The following ABI3BP variants were observed in gnomAD, a reference collection of about 807,000 sequenced individuals.
The protein encoded by ABI3BP is ABI family member 3 binding protein.
Under a neutral mutation model 268.6 loss-of-function variants are expected in ABI3BP, and 216 were observed. The observed-to-expected ratio is 0.80, with a 90% confidence interval of 0.72 to 0.90. The LOEUF (loss-of-function observed/expected upper bound fraction) is 0.90. Ranked by LOEUF, ABI3BP falls within the 40% of genes least tolerant of loss-of-function variation. The probability of loss-of-function intolerance (pLI) is 0.00; values close to 1 mark genes in which losing one functional copy is unlikely to be tolerated. For synonymous variants in ABI3BP, 730 were observed against 730.0 expected, an observed-to-expected ratio of 1.00 and a Z score of 0.00; for missense variants, 2,090 against 2,182.4, an observed-to-expected ratio of 0.96 and a Z score of 0.84.
intron 20 of ABI3BP, chr3:100,843,807 G>T (rs1299497336): frequency 2.0e-6 from 2 of 984,922 alleles, no homozygotes; most frequent in African/African-American, 3.5e-5. Context: ...GAAACTTCAA[G>T]ATTGTAATTC....
chr3:100,841,095 G>T (rs758419798), intron 21 of ABI3BP, among the ~76,000 whole-genome samples: 10 of 150,572 alleles, frequency 6.6e-5, no homozygotes, highest in Non-Finnish European at 5.9e-5. Context: ...GGAACAAAAA[G>T]GCATGATTCT....
intron 14 of ABI3BP, among the ~76,000 whole-genome samples, chr3:100,859,189 G>C (rs2098969957): frequency 6.6e-6 from 1 of 152,048 alleles, no homozygotes; most frequent in South Asian, 2.1e-4. Flanking sequence ...AGTGTGTTCT[G>C]CTGGTCGTTG....
chr3:100,978,338 T>C (rs1326731761), intron 1 of ABI3BP, among the ~76,000 whole-genome samples: 2 of 152,246 alleles, frequency 1.3e-5, no homozygotes, highest in Admixed American at 1.3e-4. Flanking sequence ...AATTGTGTCT[T>C]TCTTCATTGA....
At chr3:100,820,166 T>C in intron 40 of ABI3BP, 54 bp downstream of exon 40, 6 of 1,435,112 alleles carry the variant, frequency 4.2e-6, no homozygotes, top group East Asian at 2.5e-5. Context: ...GCATCAGTTA[T>C]AAATTCCTGA....
chr3:100,789,368 T>A, intron 56 of ABI3BP, 86 bp downstream of exon 56: 1 of 1,277,360 alleles, frequency 7.8e-7, no homozygotes, highest in Non-Finnish European at 1.1e-6. Flanking sequence ...ATGTAAGGGT[T>A]CCCCTTTGGT....
In ABI3BP at chr3:100,979,236, T is replaced by C. The variant is rs182901650; in HGVS notation, c.79+14070A>G. 3.6e-4 allele frequency among the ~76,000 whole-genome samples: 55 copies of C among 152,308 alleles called. 1 individual carries two copies. Among genetic ancestry groups the C allele is most frequent in the African/African-American group, 1.2e-3 (51 of 41,562 alleles). On this transcript the variant is annotated intron_variant, in intron 1 of 67. Coordinates refer to ENST00000471714, the MANE Select transcript of ABI3BP (RefSeq NM_001375547.2). ...AGAGTGAGAGTCATTATCTCTAGGT[T>C]TGTTAAATAGCCATGTTTCAATAAA...
intron 1 of ABI3BP, among the ~76,000 whole-genome samples, chr3:100,969,190 C>T (rs772258976): frequency 3.9e-5 from 6 of 152,162 alleles, no homozygotes; most frequent in Non-Finnish European, 8.8e-5. Context: ...CTGCAGTAAG[C>T]CACAAGGCAA....
intron 1 of ABI3BP, among the ~76,000 whole-genome samples, chr3:100,966,873 G>C (rs2081497937): frequency 6.6e-6 from 1 of 151,754 alleles, no homozygotes; most frequent in Admixed American, 6.6e-5. Flanking sequence ...TGAGCATAGA[G>C]TCCTACACCA....
At chr3:100,843,421 T>A (rs200598262) in intron 20 of ABI3BP, among the ~76,000 whole-genome samples, 1 of 129,716 alleles carries the variant, frequency 7.7e-6, no homozygotes, top group Admixed American at 7.7e-5. Context: ...TGTGTGTGTG[T>A]GAGTGAGTCT....
chr3:100,840,671 G>T, intron 22 of ABI3BP, 149 bp downstream of exon 22: 1 of 603,204 alleles, frequency 1.7e-6, no homozygotes, highest in Non-Finnish European at 2.7e-6. Context: ...ATACCTATAG[G>T]AATTAACTTT....
rs1193116598 is a variant in ABI3BP at position 100,864,860 on chromosome 3, C to T, written c.1036G>A (p.Ala346Thr). The change falls in exon 11 of 68, where the codon GCA (alanine) becomes ACA (threonine). Residue 346 changes from alanine (A) to threonine (T), a missense_variant. Physicochemically the swap from Ala to Thr is moderately conservative, Grantham distance 58. Transcript: ENST00000471714. ...AGTGTTGTTTCTGAAACATCTAATG[C>T]ACTAGACGTAGTGGGTTTAGTGCTT... ...PRSTKPTTSS[A>T]LDVSETTLVL... 5 of 1,607,752 alleles carry T rather than the reference C, an allele frequency of 3.1e-6. No homozygotes were observed. The East Asian group carries it at 1.1e-4, about 36-fold the overall frequency.
At chr3:100,828,571 A>T (rs2098430611) in intron 33 of ABI3BP, 119 bp from the exon 34 acceptor site, 1 of 827,450 alleles carries the variant, frequency 1.2e-6, no homozygotes, top group Non-Finnish European at 1.9e-6. Flanking sequence ...CGAAGCAAAC[A>T]CAATTAGCCT....
At chr3:100,790,803 C>T (rs745996328) in intron 55 of ABI3BP, among the ~76,000 whole-genome samples, 43 of 151,824 alleles carry the variant, frequency 2.8e-4, no homozygotes, top group Non-Finnish European at 5.3e-4. Context: ...TAGGTTGCTT[C>T]TGCTTAAAAA....
intron 63 of ABI3BP, among the ~76,000 whole-genome samples, chr3:100,756,335 A>G (rs1226144485): frequency 6.6e-6 from 1 of 152,038 alleles, no homozygotes; most frequent in Non-Finnish European, 1.5e-5. Flanking sequence ...GACCAGCCTG[A>G]CCAACATGGA....
chr3:100,862,385 G>C lies in ABI3BP; in HGVS notation c.1211C>G (p.Ala404Gly). The C allele has an allele frequency of 6.4e-7, 1 of 1,574,538 alleles. No individual in the cohort carries two copies. Among genetic ancestry groups the C allele is most frequent in the African/African-American group, 1.4e-5 (1 of 73,164 alleles). ...CACAATCCATGGCTTTTCACTTGAA[G>C]CTATATTGAAAAGAAATGGAATTTG... is the stretch of plus-strand genomic sequence containing the variant. ...FPFEKPRGTL[A>G]SSEKPWIVPT... The change falls in exon 14 of 68, where the codon GCT becomes GGT. Residue 404 changes from alanine (A) to glycine (G), a missense_variant and splice_region_variant. Physicochemically the swap from Ala to Gly is moderately conservative, Grantham distance 60. Transcript: ENST00000471714.
At chr3:100,791,987 T>C (rs139663498) in intron 55 of ABI3BP, among the ~76,000 whole-genome samples, 1 of 151,982 alleles carries the variant, frequency 6.6e-6, no homozygotes, top group East Asian at 1.9e-4. Flanking sequence ...ATTTTTGGCT[T>C]TCTACCATCT....
At chr3:100,968,862 T>G (rs1208957525) in intron 1 of ABI3BP, among the ~76,000 whole-genome samples, 1 of 151,984 alleles carries the variant, frequency 6.6e-6, no homozygotes, top group Non-Finnish European at 1.5e-5. Flanking sequence ...CTGACAGGCC[T>G]CAGTGTGTGA....
chr3:100,771,070 A>C (rs2149922051), intron 61 of ABI3BP, 118 bp from the exon 62 acceptor site: 2 of 911,488 alleles, frequency 2.2e-6, no homozygotes, highest in Middle Eastern at 2.6e-4. Context: ...GATGGTTGAA[A>C]GCCATGATGT....
chr3:100,884,765 T>C (rs1254338920), intron 6 of ABI3BP, among the ~76,000 whole-genome samples: 1 of 152,094 alleles, frequency 6.6e-6, no homozygotes, highest in East Asian at 1.9e-4. Flanking sequence ...CTCACCGAAC[T>C]GCCTCCTCTG....
Sources: allele counts gnomAD v4.1 joint callset (sites outside exome capture counted in the v4.1 genomes callset), GRCh38; gene constraint gnomAD v4.1.1; transcripts MANE v1.5; gene names NCBI Gene and HGNC (gene_info 2026-07-23, HGNC 2026-07-21).